The following CAPN12 variants were observed in gnomAD, a reference collection of about 807,000 sequenced individuals.
CAPN12 encodes calpain 12.
CAPN12 carries 107 observed loss-of-function variants against 95.0 expected under a neutral mutation model. The ratio of observed to expected loss-of-function variants is 1.13; its 90% CI spans 0.96 to 1.32. The LOEUF (loss-of-function observed/expected upper bound fraction) is 1.32, where lower values mean the gene tolerates loss of function less well. CAPN12 is among the 40% of genes most tolerant of loss of function. The pLI is 0.00. For synonymous variants in CAPN12, 505 were observed against 415.5 expected (o/e 1.22, Z -2.62); for missense variants, 1,136 against 997.8 (o/e 1.14, Z -1.87).
intron 1 of CAPN12, 71 bp from the exon 2 acceptor site, chr19:38,743,173 G>A (rs768482811): frequency 1.3e-6 from 2 of 1,571,442 alleles, no homozygotes; most frequent in East Asian, 2.2e-5. Flanking sequence ...AGGAGTGAGG[G>A]CCTCCAAGCC....
Position 38,735,548 on chromosome 19 carries a change from C to T in CAPN12, c.1584-4G>A, listed in dbSNP as rs1243824627. On this transcript the variant is annotated splice_polypyrimidine_tract_variant and splice_region_variant and intron_variant, in intron 12 of 20. Transcript: ENST00000328867. ...GCTGATCACGTCGTCGATCTCCCTG[C>T]AAATTACAGATGGGAAGTGGGGAGG... 2 of 1,609,290 alleles carry T rather than the reference C, an allele frequency of 1.2e-6. No individual in the cohort carries two copies. The highest frequency in any genetic ancestry group is 8.5e-7 in the Non-Finnish European group (1 of 1,179,030).
At chr19:38,735,673 G>T (rs1190166902) in intron 12 of CAPN12, 129 bp from the exon 13 acceptor site, 18 of 203,616 alleles carry the variant, frequency 8.8e-5, no homozygotes, top group Admixed American at 5.4e-4. Flanking sequence ...TCATCCTCGC[G>T]GGGCGGGGGT....
At position 38,730,873 on chromosome 19, in the gene CAPN12, C is replaced by T. The variant is rs1049635746; in HGVS notation, c.2139G>A (p.Met713Ile). 2.0e-5 allele frequency: 31 copies of T among 1,551,596 alleles called. 1 individual carries two copies. In the Middle Eastern group the frequency reaches 1.5e-3, roughly 75 times the overall value. ...GVICLTHRQW[M>I]EVATFS Reference sequence around the variant, plus strand: ...GATCCTAGGAGAAGGTGGCCACCTCCATCCACTAAGGAAGAGAAGGAAGAC... The same window carrying T: ...GATCCTAGGAGAAGGTGGCCACCTCTATCCACTAAGGAAGAGAAGGAAGAC... The change falls in exon 21 of 21, where the codon ATG (methionine) becomes ATA (isoleucine). Residue 713 changes from methionine to isoleucine, a missense_variant. By Grantham distance (10) the Met-to-Ile change is conservative. Transcript: ENST00000328867.
At position 38,730,578 on chromosome 19, in the gene CAPN12, C is replaced by CCTT. The variant is rs1969508648; in HGVS notation, c.*271_*273dup. ...TTATTTCTCCTGTGTCTGTCCTCCA[C>CCTT]CTTCTAGGAGAGCCAGGGCAGAGCT... On this transcript the variant is annotated 3_prime_UTR_variant, in exon 21 of 21. Transcript: ENST00000328867. 3.6e-6 allele frequency: 2 copies of CCTT among 551,746 alleles called. No individual in the cohort carries two copies. The highest frequency in any genetic ancestry group is 5.8e-5 in the East Asian group (2 of 34,282). The allele number at this position is 551,746 out of a possible 1,614,324, so 34.2% of individuals were successfully genotyped here.
At chr19:38,738,903 G>A (rs1970382507) in intron 5 of CAPN12, 1 of 536,516 alleles carries the variant, frequency 1.9e-6, no homozygotes, top group Non-Finnish European at 3.4e-6. Context: ...AGGTCGAGGT[G>A]GAAGGACTAC....
chr19:38,738,417 C>A lies in CAPN12; in HGVS notation c.890+1G>T. The stretch of plus-strand genomic sequence containing the variant: ...CCACACCCACCCCAGACCCATCCCA[C>A]CTGTCGCTCCAGGCCCCCGTCCACT... On this transcript the variant is annotated splice_donor_variant, in intron 7 of 20. Transcript: ENST00000328867. LOFTEE classifies it high-confidence loss of function. 6 of 1,610,382 alleles carry A rather than the reference C, an allele frequency of 3.7e-6. No homozygotes were observed. The highest frequency in any genetic ancestry group is 5.1e-6 in the Non-Finnish European group (6 of 1,178,770).
rs973997536 is a variant in CAPN12, at chr19:38,736,180, T to C, written c.1513A>G (p.Ser505Gly). ...LRPGHYLVVP[S>G]TAHAGDEADF... ...GCCTCGTCGCCGGCGTGGGCGGTGC[T>C]CGGCACCACCAGGTAGTGGCCTGGA... Residue 505 changes from serine (S) to glycine (G), a missense_variant, in exon 12 of 21, where the codon AGC becomes GGC. Ser to Gly is a moderately conservative substitution (Grantham distance 56). Transcript: ENST00000328867. The C allele has an allele frequency of 6.0e-6, 9 of 1,512,524 alleles. No individual in the cohort carries two copies. Among genetic ancestry groups the C allele is most frequent in the African/African-American group, 1.4e-5 (1 of 69,042 alleles). 93.7% of individuals were successfully genotyped at this position (1,512,524 alleles called of 1,614,324 possible). A position where few individuals can be genotyped will look rare whatever the true frequency, so the allele number is the denominator to read the frequency against.
chr19:38,732,678 ACACT>A (rs762569211), intron 18 of CAPN12, among the ~76,000 whole-genome samples: 4 of 152,094 alleles, frequency 2.6e-5, no homozygotes, highest in Admixed American at 6.6e-5. Flanking sequence ...TCTGGGTCTC[ACACT>A]CACAGCCACA....
intron 14 of CAPN12, 117 bp from the exon 15 acceptor site, chr19:38,734,987 G>A (rs570832507): frequency 9.8e-6 from 9 of 920,996 alleles, no homozygotes; most frequent in South Asian, 4.7e-5. Flanking sequence ...CTCCAGGAGT[G>A]GGGGAGACAG....
At position 38,730,301 on chromosome 19, in the gene CAPN12, T is replaced by TTCTC. The variant is rs1178412627; in HGVS notation, c.*547_*550dup. 2 of 163,270 alleles carry TTCTC rather than the reference T, an allele frequency of 1.2e-5. No individual in the cohort carries two copies. The highest frequency in any genetic ancestry group is 4.8e-5 in the African/African-American group (2 of 41,480). 10.1% of individuals were successfully genotyped at this position (163,270 alleles called of 1,614,324 possible). On this transcript the variant is annotated 3_prime_UTR_variant, in exon 21 of 21. Coordinates refer to ENST00000328867, the MANE Select transcript of CAPN12 (RefSeq NM_144691.4). ...GCTCTCATAATGAAGACATAGCCGA[T>TTCTC]TCTCTGCCCGGGCCCCTTGCTGATG...
At chr19:38,741,629 A>G in intron 4 of CAPN12, 148 bp downstream of exon 4, 1 of 868,204 alleles carries the variant, frequency 1.2e-6, no homozygotes, top group Middle Eastern at 2.9e-4. Context: ...ATGTTGTGAT[A>G]TGAGGGTTCT....
intron 15 of CAPN12, 180 bp from the exon 16 acceptor site, chr19:38,734,569 G>A: frequency 4.5e-6 from 3 of 671,142 alleles, no homozygotes; most frequent in Non-Finnish European, 7.4e-6. Flanking sequence ...CCAGGCAGGG[G>A]GTGCCCAGTC....
At chr19:38,742,611 G>T in intron 2 of CAPN12, 83 bp from the exon 3 acceptor site, 1 of 922,624 alleles carries the variant, frequency 1.1e-6, no homozygotes, top group South Asian at 1.6e-5. Context: ...CCAGCACTTT[G>T]GGAGGCCAAG....
At position 38,742,890 on chromosome 19, in the gene CAPN12, G is replaced by A. The variant is rs1437070425; in HGVS notation, c.307+143C>T. The A allele has an allele frequency of 6.9e-6, 4 of 581,490 alleles. No homozygotes were observed. In the South Asian group the frequency reaches 7.4e-5, roughly 11 times the overall value. 36.0% of individuals were successfully genotyped at this position (581,490 alleles called of 1,614,324 possible). On this transcript the variant is annotated intron_variant, in intron 2 of 20. Transcript: ENST00000328867. ...AAAAAAAAGGAAGGAAGGAAGGAGG[G>A]AGGAGGGAGAGAGAGGCCTAGGGAG...
Position 38,744,028 on chromosome 19 carries a change from G to A in CAPN12, c.138C>T (p.Phe46=). 2.5e-6 allele frequency: 4 copies of A among 1,614,220 alleles called. No individual in the cohort carries two copies. Among genetic ancestry groups the A allele is most frequent in the Non-Finnish European group, 3.4e-6 (4 of 1,180,046 alleles). Residue 46 remains phenylalanine, a synonymous_variant, in exon 1 of 21, where the codon TTC becomes TTT. Coordinates refer to ENST00000328867, the MANE Select transcript of CAPN12 (RefSeq NM_144691.4). ...RAACLDSGIL[F]RDPYFPAGPD... is the part of the protein sequence containing the mutation. The stretch of plus-strand genomic sequence containing the variant: ...GGCCAGCAGGGAAGTAAGGGTCGCG[G>A]AACAGGATCCCCGAATCCAGGCAGG...
chr19:38,731,324 T>C (rs1969588552), intron 18 of CAPN12, 101 bp from the exon 19 acceptor site: 1 of 866,456 alleles, frequency 1.2e-6, no homozygotes, highest in Non-Finnish European at 1.9e-6. Flanking sequence ...TGCCACAGGG[T>C]GTCACACCCC....
At position 38,744,358 on chromosome 19, in the gene CAPN12, G is replaced by A. The variant is rs1390630998; in HGVS notation, c.-193C>T. The A allele has an allele frequency of 1.5e-5, 9 of 616,386 alleles. No individual in the cohort carries two copies. Among genetic ancestry groups the A allele is most frequent in the Admixed American group, 2.9e-5 (1 of 34,670 alleles). The allele number at this position is 616,386 out of a possible 1,614,324, so 38.2% of individuals were successfully genotyped here. A position where few individuals can be genotyped will look rare whatever the true frequency, so the allele number is the denominator to read the frequency against. On this transcript the variant is annotated 5_prime_UTR_variant, in exon 1 of 21. Transcript: ENST00000328867. ...AGTAGCTTTCTTCCCAGGGCGTGGG[G>A]CCTTCAGTTGTGGCCAAGGTAGCAG...
rs780770758 is a variant in CAPN12, at chr19:38,735,360, C to T, written c.1686+10G>A. 6.3e-7 allele frequency: 1 copy of T among 1,576,918 alleles called. No individual in the cohort carries two copies. The highest frequency in any genetic ancestry group is 1.2e-5 in the South Asian group (1 of 85,980). On this transcript the variant is annotated intron_variant, in intron 14 of 20. Transcript: ENST00000328867. ...GCGGGATACCCCCTCAGTCCAATCC[C>T]CCTCCTCACCTCTCCAGCCAGCTCC...
rs199670657 is a variant in CAPN12 at position 38,742,431 on chromosome 19, G to A, written c.405C>T (p.Tyr135=). Residue 135 remains tyrosine (Y), a synonymous_variant, in exon 3 of 21, where the codon TAC becomes TAT. Coordinates refer to ENST00000328867, the MANE Select transcript of CAPN12 (RefSeq NM_144691.4). ...GTACCTGGAAGTGGAAGACGCCTGCGTAGCCATGCTGGAAATCCTGTCCAG... is the reference window on the plus strand; with the variant it reads ...GTACCTGGAAGTGGAAGACGCCTGCATAGCCATGCTGGAAATCCTGTCCAG... ...VPPGQDFQHG[Y]AGVFHFQLWQ... 1.1e-5 allele frequency: 18 copies of A among 1,613,738 alleles called. No individual in the cohort carries two copies. The highest frequency in any genetic ancestry group is 1.6e-4 in the Middle Eastern group (1 of 6,062).
Sources: gnomAD v4.1 joint callset for allele counts (sites outside exome capture counted in the v4.1 genomes callset) on GRCh38, gnomAD v4.1.1 for gene constraint, MANE v1.5 for transcripts, NCBI Gene and HGNC (gene_info 2026-07-23, HGNC 2026-07-21) for gene names.